PTPRF: variants seen among roughly 807,000 people sequenced by gnomAD.
PTPRF encodes protein tyrosine phosphatase receptor type F, also known as receptor-type tyrosine-protein phosphatase F.
PTPRF carries 59 observed loss-of-function variants against 201.8 expected under a neutral mutation model. The ratio of observed to expected loss-of-function variants is 0.29; its 90% CI spans 0.24 to 0.36. The LOEUF is 0.36. PTPRF is among the 10% of genes least tolerant of loss of function. The probability of loss-of-function intolerance (pLI) is 1.00; values close to 1 mark genes in which losing one functional copy is unlikely to be tolerated. For missense variants in PTPRF, 2,132 were observed against 2,690.5 expected, an observed-to-expected ratio of 0.79 and a Z score of 4.59; for synonymous variants, 1,088 against 1,089.7, an observed-to-expected ratio of 1.00 and a Z score of 0.03.
At chr1:43,592,108 C>T (rs775893498) in intron 10 of PTPRF, among the ~76,000 whole-genome samples, 160 bp downstream of exon 10, 12 of 152,118 alleles carry the variant, frequency 7.9e-5, no homozygotes, top group Non-Finnish European at 1.6e-4. Flanking sequence ...TCATGTGGCC[C>T]GCACAGCCTG....
chr1:43,609,437 C>G lies in PTPRF; in HGVS notation c.3912C>G (p.Asp1304Glu). ...SKDEQSIGLK[D>E]SLLAHSSDPV... is the part of the protein sequence containing the mutation. ...ATGAGCAGTCGATCGGACTGAAGGA[C>G]TCCTTGCTGGCCCACTCCTCTGACC... Residue 1304 changes from aspartate to glutamate, a missense_variant, in exon 22 of 34, where the codon GAC becomes GAG. Around this residue, in one of 6 missense-constraint regions of PTPRF, gnomAD observed 818 missense variants for 915.3 expected, o/e 0.89. Transcript: ENST00000359947. 1 of 1,614,116 alleles carries G rather than the reference C, an allele frequency of 6.2e-7. No individual in the cohort carries two copies. Among genetic ancestry groups the G allele is most frequent in the East Asian group, 2.2e-5 (1 of 44,878 alleles).
At chr1:43,582,805 G>A (rs1053787530) in intron 7 of PTPRF, among the ~76,000 whole-genome samples, 7 of 152,280 alleles carry the variant, frequency 4.6e-5, no homozygotes, top group East Asian at 1.9e-4. Flanking sequence ...CACCTGCCCC[G>A]GCCCCACCCT....
Position 43,617,577 on chromosome 1 carries a change from AG to A in PTPRF, c.4195+14del. 3.1e-6 allele frequency: 5 copies of A among 1,613,778 alleles called. No homozygotes were observed. The highest frequency in any genetic ancestry group is 1.1e-5 in the South Asian group (1 of 91,068). On this transcript the variant is annotated intron_variant, in intron 24 of 33. Transcript: ENST00000359947. ...CCTTACCTCTATCGATGGTGAGCCA[AG>A]GGGGTGCCCCTCCCATCCCCTTGCT...
rs1654905135 is a variant in PTPRF at position 43,605,616 on chromosome 1, G to A, written c.3477G>A (p.Leu1159=). ...PRWSTPEELE[L]DELLEAIEQG... ...GGAGCACACCCGAGGAACTGGAGCT[G>A]GACGAGGTACCTGGGGAGGGGATGG... is the stretch of plus-strand genomic sequence containing the variant. The change falls in exon 19 of 34, where the codon CTG becomes CTA. Residue 1159 remains leucine, a synonymous_variant. Coordinates refer to ENST00000359947, the MANE Select transcript of PTPRF (RefSeq NM_002840.5). 6.2e-7 allele frequency: 1 copy of A among 1,613,982 alleles called. No homozygotes were observed. The highest frequency in any genetic ancestry group is 1.3e-5 in the African/African-American group (1 of 74,932).
rs2154007848 is a variant in PTPRF at position 43,588,535 on chromosome 1, G to A, written c.680-196G>A. 6.6e-6 allele frequency among the ~76,000 whole-genome samples: 1 copy of A among 152,316 alleles called. No homozygotes were observed. The highest frequency in any genetic ancestry group is 2.1e-4 in the South Asian group (1 of 4,820). On this transcript the variant is annotated intron_variant, in intron 7 of 33. Coordinates refer to ENST00000359947, the MANE Select transcript of PTPRF (RefSeq NM_002840.5). This position sits in a 1 kb window ranked among gnomAD's most constrained non-coding sequence, Gnocchi z 5.3. ...ATCGTGCTCCAGACAGTCCCTGAGT[G>A]TGGGGGCCACTTCTAGGCTGGAAGT...
intron 2 of PTPRF, among the ~76,000 whole-genome samples, chr1:43,539,315 G>C (rs1644218264): frequency 6.6e-6 from 1 of 152,188 alleles, no homozygotes; most frequent in South Asian, 2.1e-4. Context: ...CTGACAACAT[G>C]GTGGTGCTGT....
At position 43,619,050 on chromosome 1, in the gene PTPRF, T is replaced by C. The variant is rs747158856; in HGVS notation, c.4494T>C (p.Ser1498=). The C allele has an allele frequency of 1.9e-6, 3 of 1,612,828 alleles. No individual in the cohort carries two copies. In the Admixed American group the frequency reaches 5.0e-5, roughly 27 times the overall value. Residue 1498 remains serine (S), a splice_region_variant and synonymous_variant, in exon 27 of 34, where the codon AGT becomes AGC. Transcript: ENST00000359947. The part of the protein sequence containing the change: ...YTVRTFALHK[S]GSSEKRELRQ... ...TATGTCCCCACTTTGTCCCCCAGAG[T>C]GGCTCCAGTGAGAAGCGCGAGCTGC...
chr1:43,583,118 A>G (rs754525608), intron 7 of PTPRF: 5 of 984,044 alleles, frequency 5.1e-6, no homozygotes, highest in South Asian at 4.7e-5. Flanking sequence ...CTTCTTATCC[A>G]TCTACAGTTC....
At chr1:43,530,506 C>G (rs1490138323), upstream of PTPRF, among the ~76,000 whole-genome samples, 1 of 152,002 alleles carries the variant, frequency 6.6e-6, no homozygotes, top group Non-Finnish European at 1.5e-5. This position sits in a 1 kb window ranked among gnomAD's most constrained non-coding sequence, Gnocchi z 4.1. Flanking sequence ...AATTTGGGGG[C>G]AGATTAAGGG....
chr1:43,583,192 C>G, intron 7 of PTPRF: 1 of 821,912 alleles, frequency 1.2e-6, no homozygotes. Flanking sequence ...CTCAGGCTCA[C>G]TGCGCCGTGC....
At chr1:43,571,984 G>C (rs1646603639) in intron 6 of PTPRF, among the ~76,000 whole-genome samples, 1 of 152,218 alleles carries the variant, frequency 6.6e-6, no homozygotes, top group Non-Finnish European at 1.5e-5. Context: ...CCTCTGGTAA[G>C]GGCTTCATGG....
chr1:43,608,287 TC>T (rs1655620120), intron 21 of PTPRF, among the ~76,000 whole-genome samples: 1 of 152,186 alleles, frequency 6.6e-6, no homozygotes, highest in African/African-American at 2.4e-5. Flanking sequence ...CTGTGACCGT[TC>T]CTTTCTTCTG....
Position 43,618,898 on chromosome 1 carries a change from G to C in PTPRF, c.4491+149G>C, listed in dbSNP as rs1490864746. On this transcript the variant is annotated intron_variant, in intron 26 of 33. Coordinates refer to ENST00000359947, the MANE Select transcript of PTPRF (RefSeq NM_002840.5). ...TGAGTGATGTGATGATCCATGTTAT[G>C]GGAACAGTGCTAGGAGCTTCAGGCT... 11 of 1,437,812 alleles carry C rather than the reference G, an allele frequency of 7.7e-6. No individual in the cohort carries two copies. The East Asian group carries it at 2.5e-4, about 33-fold the overall frequency. The allele number at this position is 1,437,812 out of a possible 1,614,324, so 89.1% of individuals were successfully genotyped here.
At chr1:43,582,104 C>T (rs141578687) in intron 7 of PTPRF, among the ~76,000 whole-genome samples, 4 of 152,340 alleles carry the variant, frequency 2.6e-5, no homozygotes, top group African/African-American at 7.2e-5. Context: ...GACTTGGCTT[C>T]GGTGTCTACC....
At position 43,553,213 on chromosome 1, in the gene PTPRF, C is replaced by T. The variant is rs1302556726; in HGVS notation, c.92-279C>T. 6.6e-6 allele frequency among the ~76,000 whole-genome samples: 1 copy of T among 152,188 alleles called. No homozygotes were observed. ...TGGAACACCTGGGTTCAGATCTTAG[C>T]TCTACCACTTACCAGCTGTGTCATA... On this transcript the variant is annotated intron_variant, in intron 3 of 33. Coordinates refer to ENST00000359947, the MANE Select transcript of PTPRF (RefSeq NM_002840.5). The surrounding 1 kb of genome is among the most constrained non-coding windows in gnomAD (Gnocchi z 4.1).
intron 21 of PTPRF, among the ~76,000 whole-genome samples, chr1:43,607,784 A>G (rs1289658572): frequency 6.6e-6 from 1 of 152,176 alleles, no homozygotes; most frequent in African/African-American, 2.4e-5. Context: ...CCACTTGGCA[A>G]CAGCAATCTC....
At chr1:43,532,270 C>T (rs183417915) in intron 1 of PTPRF, among the ~76,000 whole-genome samples, 3 of 152,336 alleles carry the variant, frequency 2.0e-5, no homozygotes, top group East Asian at 3.9e-4. Flanking sequence ...TCAAGCCCCC[C>T]TGCCCCCCAG....
At position 43,604,044 on chromosome 1, in the gene PTPRF, G is replaced by A. The variant is rs1300967861; in HGVS notation, c.2892G>A (p.Leu964=). 3.7e-6 allele frequency: 6 copies of A among 1,614,252 alleles called. No homozygotes were observed. In the Admixed American group the frequency reaches 6.7e-5, roughly 18 times the overall value. The change falls in exon 16 of 34, where the codon CTG becomes CTA. Residue 964 remains leucine, a synonymous_variant. Coordinates refer to ENST00000359947, the MANE Select transcript of PTPRF (RefSeq NM_002840.5). ...VFRDINSQQE[L]QNITTDTRFT... Reference sequence around the variant, plus strand: ...GAGACATCAACAGCCAACAGGAGCTGCAGAACATCACGACAGACACCCGCT... The same window carrying A: ...GAGACATCAACAGCCAACAGGAGCTACAGAACATCACGACAGACACCCGCT...
At chr1:43,597,645 G>T in intron 11 of PTPRF, 103 bp from the exon 12 acceptor site, 1 of 892,376 alleles carries the variant, frequency 1.1e-6, no homozygotes, top group Non-Finnish European at 1.7e-6. Context: ...AGCACCTAAG[G>T]GGTAGCCTGC....
Sources: allele counts gnomAD v4.1 joint callset (sites outside exome capture counted in the v4.1 genomes callset), GRCh38; gene constraint gnomAD v4.1.1; regional missense constraint gnomAD v4.1.1; non-coding constraint Gnocchi (gnomAD v3.1); transcripts MANE v1.5; gene names NCBI Gene and HGNC (gene_info 2026-07-23, HGNC 2026-07-21).